Variants in SPOCK3 observed in about 807,000 individuals in gnomAD.
SPOCK3 encodes the protein testican-3.
In SPOCK3, 30 loss-of-function variants were observed where a neutral mutation model predicts 56.6. That is an observed-to-expected ratio of 0.53 (90% CI 0.40 to 0.72). SPOCK3 has a LOEUF of 0.72. SPOCK3 is among the 30% of genes least tolerant of loss of function. The pLI is 0.00. For missense variants in SPOCK3, 527 were observed against 530.0 expected (o/e 0.99, Z 0.06); for synonymous variants, 196 against 183.3 (o/e 1.07, Z -0.56).
At chr4:167,214,153 A>G (rs1401211043) in intron 2 of SPOCK3, among the ~76,000 whole-genome samples, 2 of 152,134 alleles carry the variant, frequency 1.3e-5, no homozygotes, top group South Asian at 2.1e-4. Flanking sequence ...GTAAATTTAG[A>G]AAAGGTTTTA....
intron 3 of SPOCK3, among the ~76,000 whole-genome samples, chr4:167,035,689 T>C (rs1270305654): frequency 2.6e-5 from 4 of 152,170 alleles, no homozygotes; most frequent in African/African-American, 9.7e-5. Context: ...ACCCGAATCC[T>C]GGCTAGGAAA....
At chr4:167,030,948 G>A (rs7676661) in intron 3 of SPOCK3, among the ~76,000 whole-genome samples, 54,588 of 151,472 alleles carry the variant, frequency 0.36, 12,131 homozygotes, top group African/African-American at 0.63. Flanking sequence ...TCCATTTCCC[G>A]TCTGTGAGAT....
chr4:166,880,656 T>A (rs915415557), intron 6 of SPOCK3, among the ~76,000 whole-genome samples: 1 of 152,194 alleles, frequency 6.6e-6, no homozygotes, highest in Non-Finnish European at 1.5e-5. Flanking sequence ...CTCGGTTTTA[T>A]CACCATAATC....
At chr4:166,827,660 T>C (rs1183759736) in intron 6 of SPOCK3, among the ~76,000 whole-genome samples, 1 of 152,046 alleles carries the variant, frequency 6.6e-6, no homozygotes, top group Non-Finnish European at 1.5e-5. Flanking sequence ...AAAAATATAT[T>C]AGGACTGTAC....
intron 2 of SPOCK3, among the ~76,000 whole-genome samples, chr4:167,154,130 T>G (rs973053330): frequency 1.3e-5 from 2 of 152,208 alleles, no homozygotes; most frequent in Admixed American, 6.5e-5. Flanking sequence ...TATGTTATTA[T>G]GTTCCTATAG....
chr4:166,812,585 A>G (rs532367797), intron 6 of SPOCK3, among the ~76,000 whole-genome samples: 42 of 152,092 alleles, frequency 2.8e-4, no homozygotes, highest in African/African-American at 8.9e-4. Flanking sequence ...AAGATTCCAA[A>G]TGAATGATAT....
At chr4:167,167,427 C>A (rs941811473) in intron 2 of SPOCK3, among the ~76,000 whole-genome samples, 3 of 152,162 alleles carry the variant, frequency 2.0e-5, no homozygotes, top group African/African-American at 7.2e-5. Flanking sequence ...TTTCTTTCTG[C>A]AAGTGCCTTG....
intron 6 of SPOCK3, among the ~76,000 whole-genome samples, chr4:166,841,230 G>A (rs1055314243): frequency 2.0e-5 from 3 of 152,084 alleles, no homozygotes; most frequent in Non-Finnish European, 4.4e-5. Flanking sequence ...AAGGAGCTGT[G>A]GCAATTTAAC....
intron 2 of SPOCK3, among the ~76,000 whole-genome samples, chr4:167,099,139 T>G (rs188648063): frequency 2.7e-4 from 41 of 152,068 alleles, no homozygotes; most frequent in Non-Finnish European, 5.0e-4. Flanking sequence ...CTCGAGATTT[T>G]TCCCATTCAT....
chr4:166,893,188 T>C (rs1387643637), intron 5 of SPOCK3, among the ~76,000 whole-genome samples: 5 of 152,076 alleles, frequency 3.3e-5, no homozygotes, highest in African/African-American at 1.2e-4. Flanking sequence ...TGGCCCCAAA[T>C]GTCAACAGTG....
intron 6 of SPOCK3, among the ~76,000 whole-genome samples, chr4:166,806,548 A>T (rs1047135953): frequency 6.6e-6 from 1 of 152,014 alleles, no homozygotes; most frequent in Non-Finnish European, 1.5e-5. Context: ...TCATGAAAAT[A>T]TTATTTTTTA....
At chr4:166,943,983 C>G (rs1435421924) in intron 4 of SPOCK3, among the ~76,000 whole-genome samples, 1 of 152,078 alleles carries the variant, frequency 6.6e-6, no homozygotes, top group Non-Finnish European at 1.5e-5. Flanking sequence ...CCCATCTCTG[C>G]TAATAATACA....
intron 6 of SPOCK3, among the ~76,000 whole-genome samples, chr4:166,860,204 G>A (rs1731090336): frequency 6.6e-6 from 1 of 152,074 alleles, no homozygotes; most frequent in Non-Finnish European, 1.5e-5. Context: ...GGAAGATTAT[G>A]CATGGAATGA....
chr4:166,796,766 C>A (rs1362335829), intron 6 of SPOCK3, among the ~76,000 whole-genome samples: 1 of 152,140 alleles, frequency 6.6e-6, no homozygotes, highest in Non-Finnish European at 1.5e-5. Context: ...ATATTTGCTA[C>A]CACCACCTTC....
chr4:166,922,132 T>G (rs991856957), intron 4 of SPOCK3, among the ~76,000 whole-genome samples: 3 of 152,146 alleles, frequency 2.0e-5, no homozygotes, highest in African/African-American at 7.2e-5. Context: ...ATCTAGCATC[T>G]GATCATCTGA....
chr4:167,109,155 ATAT>A (rs1385142544), intron 2 of SPOCK3, among the ~76,000 whole-genome samples: 157 of 15,312 alleles, frequency 0.01, 6 homozygotes, highest in Non-Finnish European at 0.013. Flanking sequence ...ATATATATAA[ATAT>A]TATATATTTA....
chr4:166,945,859 C>T (rs901435392), intron 4 of SPOCK3, among the ~76,000 whole-genome samples: 14 of 152,084 alleles, frequency 9.2e-5, no homozygotes, highest in African/African-American at 2.2e-4. Context: ...TACTTCGTTC[C>T]GAGCCTTCAC....
intron 2 of SPOCK3, among the ~76,000 whole-genome samples, chr4:167,156,982 T>C (rs1164967787): frequency 2.0e-5 from 3 of 152,160 alleles, no homozygotes; most frequent in Non-Finnish European, 2.9e-5. Flanking sequence ...TCTGAAATTC[T>C]GACAGTAAAT....
intron 2 of SPOCK3, among the ~76,000 whole-genome samples, chr4:167,071,420 G>A (rs1756668940): frequency 6.6e-6 from 1 of 151,218 alleles, no homozygotes; most frequent in African/African-American, 2.4e-5. Flanking sequence ...GCACCGGTGT[G>A]TGATGTTCCC....
Sources: allele counts gnomAD v4.1 joint callset (sites outside exome capture counted in the v4.1 genomes callset), GRCh38; gene constraint gnomAD v4.1.1; transcripts MANE v1.5; gene names NCBI Gene and HGNC (gene_info 2026-07-23, HGNC 2026-07-21).